CFAP54: variants seen among roughly 807,000 people sequenced by gnomAD.
CFAP54 encodes cilia and flagella associated protein 54.
In CFAP54, 290 loss-of-function variants were observed where a neutral mutation model predicts 370.4. That is an observed-to-expected ratio of 0.78 (90% CI 0.71 to 0.86). CFAP54 has a LOEUF of 0.86. Among genes scored for constraint, CFAP54 ranks in the 40% least tolerant of loss-of-function variants. The pLI is 0.00. For synonymous variants in CFAP54, 1,206 were observed against 1,236.5 expected, an observed-to-expected ratio of 0.98 and a Z score of 0.52; for missense variants, 3,399 against 3,528.7, an observed-to-expected ratio of 0.96 and a Z score of 0.93.
intron 23 of CFAP54, among the ~76,000 whole-genome samples, chr12:96,591,373 A>G (rs1207716782): frequency 1.3e-5 from 2 of 152,166 alleles, no homozygotes; most frequent in Non-Finnish European, 2.9e-5. Flanking sequence ...AAAAATCCTA[A>G]CAAGCAAAGA....
chr12:96,688,769 T>C (rs532037554), intron 42 of CFAP54, 147 bp from the exon 43 acceptor site: 1 of 470,836 alleles, frequency 2.1e-6, no homozygotes, highest in African/African-American at 2.0e-5. Flanking sequence ...TCTTCTTTAA[T>C]ATATTTTCCT....
chr12:96,565,703 A>G (rs1306916103), intron 19 of CFAP54, among the ~76,000 whole-genome samples: 4 of 152,192 alleles, frequency 2.6e-5, no homozygotes, highest in Admixed American at 2.0e-4. Flanking sequence ...TTCATCTTCA[A>G]TGATGGGTGG....
intron 55 of CFAP54, among the ~76,000 whole-genome samples, chr12:96,749,489 T>G (rs1490591658): frequency 1.3e-5 from 2 of 152,242 alleles, no homozygotes; most frequent in African/African-American, 4.8e-5. Flanking sequence ...AGATGTTAAA[T>G]GCCTAGACCA....
At chr12:96,713,982 CTGAG>C (rs1278387230) in intron 48 of CFAP54, among the ~76,000 whole-genome samples, 3 of 152,024 alleles carry the variant, frequency 2.0e-5, no homozygotes, top group Non-Finnish European at 4.4e-5. Flanking sequence ...GGCTTTTATT[CTGAG>C]TGAGTTGGAA....
intron 5 of CFAP54, among the ~76,000 whole-genome samples, chr12:96,516,117 T>G (rs975624541): frequency 5.0e-5 from 7 of 139,736 alleles, no homozygotes; most frequent in South Asian, 2.1e-4. Flanking sequence ...GGGTTTCACC[T>G]TGTTAGCCAG....
intron 6 of CFAP54, among the ~76,000 whole-genome samples, chr12:96,520,272 G>T (rs149376082): frequency 7.0e-4 from 107 of 152,252 alleles, no homozygotes; most frequent in African/African-American, 2.6e-3. Flanking sequence ...GGCTGGGCAT[G>T]GTGGCTCATG....
chr12:96,798,975 C>T (rs183669321), intron 63 of CFAP54, among the ~76,000 whole-genome samples: 237 of 152,190 alleles, frequency 1.6e-3, no homozygotes, highest in African/African-American at 5.5e-3. Flanking sequence ...CCTCTAAATG[C>T]AGTTTACATA....
chr12:96,648,210 T>G (rs1018704274), intron 34 of CFAP54, among the ~76,000 whole-genome samples, 193 bp downstream of exon 34: 1 of 152,236 alleles, frequency 6.6e-6, no homozygotes, highest in Non-Finnish European at 1.5e-5. Context: ...TATATTCTTA[T>G]GATATTATTG....
At chr12:96,722,311 A>G (rs1180634915) in intron 50 of CFAP54, among the ~76,000 whole-genome samples, 1 of 152,188 alleles carries the variant, frequency 6.6e-6, no homozygotes, top group Non-Finnish European at 1.5e-5. Context: ...TCTGAACCAC[A>G]TTTTGGGTGG....
intron 39 of CFAP54, among the ~76,000 whole-genome samples, chr12:96,668,149 C>CCCTG (rs1044315016): frequency 3.9e-5 from 6 of 152,180 alleles, no homozygotes; most frequent in African/African-American, 1.4e-4. Context: ...TTCTTCTGAG[C>CCCTG]CCTGTAAATC....
chr12:96,764,624 AG>A (rs1268544932), intron 59 of CFAP54, among the ~76,000 whole-genome samples: 1 of 152,180 alleles, frequency 6.6e-6, no homozygotes, highest in African/African-American at 2.4e-5. Flanking sequence ...CTGTCTCAAA[AG>A]AAAAAAAGAA....
chr12:96,494,961 G>A (rs532647735), intron 1 of CFAP54, among the ~76,000 whole-genome samples: 203 of 152,228 alleles, frequency 1.3e-3, no homozygotes, highest in Non-Finnish European at 2.4e-3. Flanking sequence ...TCTTGACCTC[G>A]TGATCCGACC....
At chr12:96,726,604 T>A (rs1957841348) in intron 50 of CFAP54, among the ~76,000 whole-genome samples, 1 of 152,036 alleles carries the variant, frequency 6.6e-6, no homozygotes, top group African/African-American at 2.4e-5. Flanking sequence ...CTATCAATTT[T>A]GTTGATCCTT....
intron 33 of CFAP54, among the ~76,000 whole-genome samples, chr12:96,647,500 A>AAAAAAAAAAAAC (rs1565927578): frequency 2.8e-4 from 41 of 145,202 alleles, no homozygotes; most frequent in South Asian, 9.1e-4. Context: ...AAAAAAAGAA[A>AAAAAAAAAAAAC]TGCCATTGAT....
At chr12:96,686,307 T>G (rs1422395495) in intron 42 of CFAP54, among the ~76,000 whole-genome samples, 1 of 152,224 alleles carries the variant, frequency 6.6e-6, no homozygotes, top group Non-Finnish European at 1.5e-5. Flanking sequence ...TGGCCTCATT[T>G]TCACTTAGTT....
chr12:96,824,132 G>C (rs569850196), intron 65 of CFAP54, among the ~76,000 whole-genome samples: 3 of 152,090 alleles, frequency 2.0e-5, no homozygotes, highest in Non-Finnish European at 4.4e-5. Context: ...CCAGCCCCTC[G>C]CTAGCTGCAG....
At position 96,848,370 on chromosome 12, in the gene CFAP54, C is replaced by A. The variant is rs546973804; in HGVS notation, c.9172-12449C>A. Among the ~76,000 whole-genome samples the A allele has an allele frequency of 9.2e-5, 14 of 152,232 alleles. No individual in the cohort carries two copies. In the South Asian group the frequency reaches 2.9e-3, roughly 32 times the overall value. On this transcript the variant is annotated intron_variant, in intron 66 of 67. Transcript: ENST00000524981. ...ACAGGCGTGAGCCACCGTGCCCAAC[C>A]AAAATAATGTTATTTATTTAATATT... is the stretch of plus-strand genomic sequence containing the variant.
At chr12:96,837,781 A>T (rs1433167857) in intron 66 of CFAP54, among the ~76,000 whole-genome samples, 3 of 152,182 alleles carry the variant, frequency 2.0e-5, no homozygotes, top group African/African-American at 4.8e-5. Context: ...TGTACCAGCC[A>T]TTGGGCTAGG....
chr12:96,545,510 A>G (rs1955630423), intron 14 of CFAP54, among the ~76,000 whole-genome samples: 3 of 152,214 alleles, frequency 2.0e-5, no homozygotes, highest in South Asian at 4.1e-4. Flanking sequence ...AAAAAAAATA[A>G]AGTCACCAGT....
Sources: allele counts gnomAD v4.1 joint callset (sites outside exome capture counted in the v4.1 genomes callset), GRCh38; gene constraint gnomAD v4.1.1; transcripts MANE v1.5; gene names NCBI Gene and HGNC (gene_info 2026-07-23, HGNC 2026-07-21).